ZBTB16: variants seen among roughly 807,000 people sequenced by gnomAD.
ZBTB16 encodes zinc finger and BTB domain-containing protein 16.
ZBTB16 carries 8 observed loss-of-function variants against 56.8 expected under a neutral mutation model. The ratio of observed to expected loss-of-function variants is 0.14; its 90% CI spans 0.08 to 0.25. The LOEUF is 0.25. ZBTB16 is among the 10% of genes least tolerant of loss of function. The pLI is 1.00. For synonymous variants in ZBTB16, 363 were observed against 368.5 expected, an observed-to-expected ratio of 0.98 and a Z score of 0.17; for missense variants, 625 against 903.0, an observed-to-expected ratio of 0.69 and a Z score of 3.95.
At chr11:114,113,503 A>G (rs78610148) in intron 2 of ZBTB16, among the ~76,000 whole-genome samples, 2,433 of 152,312 alleles carry the variant, frequency 0.016, 68 homozygotes, top group African/African-American at 0.056. Flanking sequence ...ATCATGACCT[A>G]TTCCCAAAGG....
At chr11:114,191,766 A>C (rs1943498665) in intron 4 of ZBTB16, among the ~76,000 whole-genome samples, 1 of 150,076 alleles carries the variant, frequency 6.7e-6, no homozygotes, top group African/African-American at 2.4e-5. Context: ...GACTATACAC[A>C]CATGCATGCA....
At chr11:114,142,116 G>T (rs1170409714) in intron 2 of ZBTB16, among the ~76,000 whole-genome samples, 4 of 152,208 alleles carry the variant, frequency 2.6e-5, no homozygotes, top group Non-Finnish European at 5.9e-5. Context: ...CAAATGCTCA[G>T]TGTGATGTTG....
At chr11:114,072,601 A>G (rs1470089422) in intron 2 of ZBTB16, among the ~76,000 whole-genome samples, 2 of 152,104 alleles carry the variant, frequency 1.3e-5, no homozygotes, top group Non-Finnish European at 2.9e-5. Context: ...CTCAGCAGAC[A>G]TTGTTTTGAG....
rs979424825 is a variant in ZBTB16 at position 114,107,987 on chromosome 11, A to G, written c.1268+43419A>G. ...CACCTCCTCTCCTCCCACCTTTATTATGATGATTATTATCATTATTATTAT... is the reference window on the plus strand; with the variant it reads ...CACCTCCTCTCCTCCCACCTTTATTGTGATGATTATTATCATTATTATTAT... On this transcript the variant is annotated intron_variant, in intron 2 of 6. Transcript: ENST00000335953. Among the ~76,000 whole-genome samples, 3 of 151,334 alleles carry G rather than the reference A, an allele frequency of 2.0e-5. No homozygotes were observed. In the East Asian group the frequency reaches 5.8e-4, roughly 29 times the overall value.
At chr11:114,134,059 G>A (rs1324783483) in intron 2 of ZBTB16, among the ~76,000 whole-genome samples, 2 of 152,200 alleles carry the variant, frequency 1.3e-5, no homozygotes, top group Admixed American at 6.5e-5. Context: ...AGCTGGTTGT[G>A]TCTCAACACT....
intron 4 of ZBTB16, among the ~76,000 whole-genome samples, chr11:114,192,845 G>A (rs1591768319): frequency 1.3e-5 from 2 of 152,212 alleles, no homozygotes; most frequent in Non-Finnish European, 2.9e-5. Context: ...TGAGCTGTGA[G>A]CCAGCTTTGC....
At chr11:114,133,539 G>T (rs1057267413) in intron 2 of ZBTB16, among the ~76,000 whole-genome samples, 1 of 152,192 alleles carries the variant, frequency 6.6e-6, no homozygotes, top group Non-Finnish European at 1.5e-5. Flanking sequence ...TTTAAGGCTT[G>T]AGCTTCGGCT....
chr11:114,176,329 C>T (rs1421066044), intron 3 of ZBTB16, among the ~76,000 whole-genome samples: 3 of 152,128 alleles, frequency 2.0e-5, no homozygotes, highest in Admixed American at 2.0e-4. Context: ...TATTATCCAG[C>T]CTCTCACAAA....
intron 2 of ZBTB16, among the ~76,000 whole-genome samples, chr11:114,136,659 T>C (rs1941804530): frequency 6.6e-6 from 1 of 151,712 alleles, no homozygotes; most frequent in African/African-American, 2.4e-5. Flanking sequence ...CACCAAGAGA[T>C]GAATGAAAGT....
At chr11:114,117,336 C>T (rs1362188484) in intron 2 of ZBTB16, among the ~76,000 whole-genome samples, 1 of 151,878 alleles carries the variant, frequency 6.6e-6, no homozygotes, top group Non-Finnish European at 1.5e-5. Flanking sequence ...GGTTTTAATC[C>T]CGGGAGTGAA....
At chr11:114,079,881 G>A (rs1019837532) in intron 2 of ZBTB16, among the ~76,000 whole-genome samples, 5 of 152,184 alleles carry the variant, frequency 3.3e-5, no homozygotes, top group African/African-American at 4.8e-5. Flanking sequence ...GGAAGGAGTC[G>A]CTGCCATGGA....
Position 114,235,883 on chromosome 11 carries a change from TG to T in ZBTB16, c.1454-6278del, listed in dbSNP as rs763347367. Among the ~76,000 whole-genome samples the T allele has an allele frequency of 1.1e-4, 17 of 150,908 alleles. No homozygotes were observed. In the East Asian group the frequency reaches 1.2e-3, roughly 10 times the overall value. On this transcript the variant is annotated intron_variant, in intron 4 of 6. Transcript: ENST00000335953. ...TAGTCAAAACTGGCAGTGTTGCCAC[TG>T]GGGGGTCTGGTGTGGGTCACCTTCT... is the stretch of plus-strand genomic sequence containing the variant.
At chr11:114,102,312 T>G (rs1169960617) in intron 2 of ZBTB16, among the ~76,000 whole-genome samples, 1 of 152,200 alleles carries the variant, frequency 6.6e-6, no homozygotes, top group African/African-American at 2.4e-5. Flanking sequence ...AAGTTTGGGT[T>G]TAAATCTCAC....
chr11:114,230,627 T>G (rs1944420929), intron 4 of ZBTB16, among the ~76,000 whole-genome samples: 1 of 18,886 alleles, frequency 5.3e-5, no homozygotes, highest in Non-Finnish European at 1.4e-4. Context: ...GTAATCATCT[T>G]CTGTGGGGGG....
chr11:114,131,192 A>G (rs1471257718), intron 2 of ZBTB16, among the ~76,000 whole-genome samples: 1 of 152,142 alleles, frequency 6.6e-6, no homozygotes, highest in African/African-American at 2.4e-5. Flanking sequence ...TTTGCTTGTC[A>G]CAACCTAAGA....
intron 3 of ZBTB16, among the ~76,000 whole-genome samples, chr11:114,161,912 AGAGGCCT>A (rs1270288156): frequency 6.6e-6 from 1 of 152,154 alleles, no homozygotes; most frequent in Non-Finnish European, 1.5e-5. Flanking sequence ...TGGAGTGTTG[AGAGGCCT>A]GTGCCTTCTG....
At chr11:114,203,817 A>G (rs1943789271) in intron 4 of ZBTB16, among the ~76,000 whole-genome samples, 1 of 152,148 alleles carries the variant, frequency 6.6e-6, no homozygotes, top group Non-Finnish European at 1.5e-5. Flanking sequence ...GGCAGCAGGG[A>G]GTAGGGGTGG....
chr11:114,245,977 TAATA>T (rs1944807235), intron 5 of ZBTB16, among the ~76,000 whole-genome samples: 2 of 152,152 alleles, frequency 1.3e-5, no homozygotes, highest in African/African-American at 4.8e-5. Flanking sequence ...TTCACTCCTG[TAATA>T]AATAAGTAGC....
intron 4 of ZBTB16, among the ~76,000 whole-genome samples, chr11:114,234,093 T>C (rs1159978614): frequency 6.6e-6 from 1 of 152,236 alleles, no homozygotes; most frequent in Non-Finnish European, 1.5e-5. Context: ...ACTGACGGTA[T>C]TGAAACCGTA....
Sources: allele counts gnomAD v4.1 joint callset (sites outside exome capture counted in the v4.1 genomes callset), GRCh38; gene constraint gnomAD v4.1.1; transcripts MANE v1.5; gene names NCBI Gene and HGNC (gene_info 2026-07-23, HGNC 2026-07-21).